The following MITF variants were observed in gnomAD, a reference collection of about 807,000 sequenced individuals.
MITF encodes the protein melanocyte inducing transcription factor.
Under a neutral mutation model 60.5 loss-of-function variants are expected in MITF, and 17 were observed. The observed-to-expected ratio is 0.28, with a 90% CI of 0.19 to 0.42. The LOEUF is 0.42. MITF is among the 10% of genes least tolerant of loss of function. The probability of loss-of-function intolerance (pLI) is 1.00; values close to 1 mark genes in which losing one functional copy is unlikely to be tolerated. For synonymous variants in MITF, 260 were observed against 248.5 expected (o/e 1.05, Z -0.43); for missense variants, 622 against 683.5 (o/e 0.91, Z 1.00).
intron 9 of MITF, among the ~76,000 whole-genome samples, chr3:69,962,819 G>A (rs149543259): frequency 2.3e-3 from 356 of 152,308 alleles, no homozygotes; most frequent in African/African-American, 8.3e-3. Flanking sequence ...TTTAGGAAGT[G>A]TATTACCCAG....
At chr3:69,813,043 C>T (rs2063125523) in intron 1 of MITF, among the ~76,000 whole-genome samples, 1 of 152,026 alleles carries the variant, frequency 6.6e-6, no homozygotes, top group South Asian at 2.1e-4. Flanking sequence ...TTACTATGAG[C>T]CACTTACAAT....
At chr3:69,854,100 A>G (rs2063874075) in intron 1 of MITF, among the ~76,000 whole-genome samples, 1 of 152,032 alleles carries the variant, frequency 6.6e-6, no homozygotes, top group Non-Finnish European at 1.5e-5. Flanking sequence ...CTCCCGCCTC[A>G]GCCTCCCAAA....
At chr3:69,818,535 AC>A (rs1236252164) in intron 1 of MITF, among the ~76,000 whole-genome samples, 1 of 152,152 alleles carries the variant, frequency 6.6e-6, no homozygotes, top group Admixed American at 6.6e-5. Context: ...GTTATTACTC[AC>A]ATGCCCACCT....
chr3:69,769,236 A>G (rs2062353499), intron 1 of MITF, among the ~76,000 whole-genome samples: 1 of 152,188 alleles, frequency 6.6e-6, no homozygotes, highest in Non-Finnish European at 1.5e-5. Flanking sequence ...AATGATGATG[A>G]TAATAATAAT....
At chr3:69,786,506 G>C (rs191337308) in intron 1 of MITF, among the ~76,000 whole-genome samples, 1 of 152,194 alleles carries the variant, frequency 6.6e-6, no homozygotes, top group East Asian at 1.9e-4. Flanking sequence ...TTTTAGGACA[G>C]ATTAAATACC....
At chr3:69,925,638 T>C (rs1243577696) in intron 2 of MITF, among the ~76,000 whole-genome samples, 1 of 152,196 alleles carries the variant, frequency 6.6e-6, no homozygotes, top group Non-Finnish European at 1.5e-5. Flanking sequence ...TTCAATGGCC[T>C]GCAAAGCCCT....
intron 7 of MITF, among the ~76,000 whole-genome samples, chr3:69,956,026 G>C (rs1220864251): frequency 2.0e-5 from 3 of 152,098 alleles, no homozygotes; most frequent in Non-Finnish European, 4.4e-5. Context: ...CCTCAATTTT[G>C]CTACTTATCC....
chr3:69,920,094 A>G (rs1357156546), intron 2 of MITF, among the ~76,000 whole-genome samples: 2 of 152,364 alleles, frequency 1.3e-5, no homozygotes, highest in East Asian at 1.9e-4. Context: ...AAACCAGGCC[A>G]TACAGAGATA....
chr3:69,849,687 C>A (rs2063793047), intron 1 of MITF, among the ~76,000 whole-genome samples: 1 of 152,228 alleles, frequency 6.6e-6, no homozygotes, highest in South Asian at 2.1e-4. Flanking sequence ...TCTGATACCT[C>A]ATCCTTGCTA....
intron 1 of MITF, 26 bp from the exon 2 acceptor site, chr3:69,879,108 T>C (rs773035088): frequency 4.4e-6 from 7 of 1,596,420 alleles, no homozygotes; most frequent in Admixed American, 3.3e-5. Flanking sequence ...AAACTAAATG[T>C]TGTATGCATT....
intron 7 of MITF, among the ~76,000 whole-genome samples, chr3:69,954,986 ATTTG>A (rs534606711): frequency 5.2e-4 from 79 of 152,344 alleles, no homozygotes; most frequent in African/African-American, 1.7e-3. Context: ...TTTGGAATTT[ATTTG>A]TTTGACTACA....
intron 1 of MITF, chr3:69,763,545 A>G: frequency 9.0e-7 from 1 of 1,116,548 alleles, no homozygotes; most frequent in Non-Finnish European, 1.1e-6. Flanking sequence ...GTTAATTATC[A>G]CTCTATCTCT....
At chr3:69,936,973 T>C (rs1205138299) in intron 2 of MITF, 2 of 469,510 alleles carry the variant, frequency 4.3e-6, no homozygotes, top group Non-Finnish European at 7.5e-6. Flanking sequence ...TTTGGCCTAG[T>C]GTGTGGCTAA....
chr3:69,805,717 G>A (rs1378023536), intron 1 of MITF, among the ~76,000 whole-genome samples: 1 of 152,054 alleles, frequency 6.6e-6, no homozygotes, highest in Non-Finnish European at 1.5e-5. Flanking sequence ...GGAGTGCAGT[G>A]GCATGATCAT....
rs371272603 is a variant in MITF at position 69,916,561 on chromosome 3, T to G, written c.355-21261T>G. On this transcript the variant is annotated intron_variant, in intron 2 of 9. Coordinates refer to ENST00000352241, the MANE Select transcript of MITF (RefSeq NM_001354604.2). ...GGGATTGTTTAAAAAATTTTAAACA[T>G]TTTATGTAGGCAAGCTATGTTTGTT... 1.0e-3 allele frequency among the ~76,000 whole-genome samples: 154 copies of G among 152,318 alleles called. 4 individuals are homozygous for G. In the South Asian group the frequency reaches 0.031, roughly 30 times the overall value.
chr3:69,771,812 A>T (rs2062398247), intron 1 of MITF, among the ~76,000 whole-genome samples: 2 of 152,198 alleles, frequency 1.3e-5, no homozygotes, highest in African/African-American at 4.8e-5. Context: ...GTTCATGTTG[A>T]TTAACAGATG....
At chr3:69,764,090 A>G (rs2062253505) in intron 1 of MITF, 1 of 592,098 alleles carries the variant, frequency 1.7e-6, no homozygotes, top group Non-Finnish European at 2.5e-6. Context: ...GGAAATGTTC[A>G]GTTCACTTGT....
At chr3:69,754,119 T>G (rs1704038905) in intron 1 of MITF, among the ~76,000 whole-genome samples, 1 of 152,062 alleles carries the variant, frequency 6.6e-6, no homozygotes. Context: ...ATCATGGAAG[T>G]GGTTTCTCAT....
chr3:69,898,416 T>C (rs537457094), intron 2 of MITF, among the ~76,000 whole-genome samples: 1 of 152,148 alleles, frequency 6.6e-6, no homozygotes, highest in Non-Finnish European at 1.5e-5. Flanking sequence ...GTGATCAAGA[T>C]AGTGAAGTCA....
Sources: gnomAD v4.1 joint callset for allele counts (sites outside exome capture counted in the v4.1 genomes callset) on GRCh38, gnomAD v4.1.1 for gene constraint, MANE v1.5 for transcripts, NCBI Gene and HGNC (gene_info 2026-07-23, HGNC 2026-07-21) for gene names.